The following VOPP1 variants were observed in gnomAD, a reference collection of about 807,000 sequenced individuals.
VOPP1 encodes WW domain binding protein VOPP1.
A neutral mutation model predicts 23.5 loss-of-function variants in VOPP1; 8 were observed. That is an observed-to-expected ratio of 0.34 (90% CI 0.20 to 0.61). VOPP1 has a LOEUF of 0.61. VOPP1 is among the 20% of genes least tolerant of loss of function. VOPP1 has a pLI of 0.78. For synonymous variants in VOPP1, 83 were observed against 97.3 expected (o/e 0.85, Z 0.86); for missense variants, 174 against 238.1 (o/e 0.73, Z 1.77).
intron 1 of VOPP1, among the ~76,000 whole-genome samples, chr7:55,558,610 G>A (rs1298250165): frequency 6.6e-6 from 1 of 152,070 alleles, no homozygotes; most frequent in Non-Finnish European, 1.5e-5. Context: ...CCTCCAGAGA[G>A]CCCAGGCATC....
intron 4 of VOPP1, among the ~76,000 whole-genome samples, chr7:55,487,971 C>A (rs1793270610): frequency 6.6e-6 from 1 of 152,192 alleles, no homozygotes; most frequent in African/African-American, 2.4e-5. Context: ...AGGATTCTCA[C>A]CCACACCCTC....
intron 1 of VOPP1, among the ~76,000 whole-genome samples, chr7:55,543,767 T>G (rs186368957): frequency 1.7e-4 from 26 of 152,348 alleles, no homozygotes; most frequent in African/African-American, 5.8e-4. Context: ...ATTTGGTTTT[T>G]GGCTACTGAG....
chr7:55,535,106 A>T (rs1467997161), intron 1 of VOPP1, among the ~76,000 whole-genome samples: 3 of 152,140 alleles, frequency 2.0e-5, no homozygotes, highest in Non-Finnish European at 4.4e-5. Context: ...GGGACTCCTG[A>T]CACTGCACCT....
chr7:55,534,909 T>G (rs1313125171), intron 1 of VOPP1, among the ~76,000 whole-genome samples: 7 of 152,350 alleles, frequency 4.6e-5, no homozygotes, highest in Admixed American at 3.9e-4. Flanking sequence ...GCCTTGTCTC[T>G]TCCCAGGACA....
chr7:55,453,444 T>C (rs1450374744), intron 4 of VOPP1, among the ~76,000 whole-genome samples: 2 of 152,240 alleles, frequency 1.3e-5, no homozygotes, highest in Non-Finnish European at 2.9e-5. Flanking sequence ...ATGAGTGACA[T>C]ACAACTCTTC....
chr7:55,483,309 A>G (rs1792879054), intron 4 of VOPP1, among the ~76,000 whole-genome samples: 1 of 152,128 alleles, frequency 6.6e-6, no homozygotes, highest in Admixed American at 6.5e-5. Context: ...GGGACCATGC[A>G]TGTCTTCAGG....
chr7:55,459,933 T>C (rs1791456407), intron 4 of VOPP1, among the ~76,000 whole-genome samples: 1 of 152,164 alleles, frequency 6.6e-6, no homozygotes, highest in Admixed American at 6.5e-5. Flanking sequence ...ATTGGTTTTC[T>C]AGTTCCTTGA....
intron 2 of VOPP1, among the ~76,000 whole-genome samples, chr7:55,509,317 T>C (rs542666767): frequency 4.6e-5 from 7 of 152,328 alleles, no homozygotes; most frequent in African/African-American, 1.7e-4. Context: ...TGATTGCTCA[T>C]AGTTCTGGAG....
intron 1 of VOPP1, among the ~76,000 whole-genome samples, chr7:55,542,658 G>A (rs1020215989): frequency 1.3e-5 from 2 of 152,108 alleles, no homozygotes; most frequent in Admixed American, 6.5e-5. Flanking sequence ...TCGTGGTGGT[G>A]CATGCCTACA....
At chr7:55,530,368 A>G (rs1162643230) in intron 1 of VOPP1, among the ~76,000 whole-genome samples, 1 of 152,146 alleles carries the variant, frequency 6.6e-6, no homozygotes, top group East Asian at 1.9e-4. Context: ...TTCCAGCTCA[A>G]TCAGAAGGCA....
intron 1 of VOPP1, among the ~76,000 whole-genome samples, chr7:55,570,018 G>A (rs1488482575): frequency 6.6e-6 from 1 of 152,112 alleles, no homozygotes; most frequent in Non-Finnish European, 1.5e-5. Context: ...AATTTCCCAG[G>A]TTGCAGCCGG....
intron 1 of VOPP1, among the ~76,000 whole-genome samples, chr7:55,551,082 T>G (rs1797587281): frequency 6.6e-6 from 1 of 151,992 alleles, no homozygotes; most frequent in African/African-American, 2.4e-5. Flanking sequence ...GGTTGGCAAA[T>G]TATCTCCCTG....
At chr7:55,568,926 C>A (rs943920166) in intron 1 of VOPP1, among the ~76,000 whole-genome samples, 7 of 152,198 alleles carry the variant, frequency 4.6e-5, no homozygotes, top group African/African-American at 1.7e-4. Flanking sequence ...CTTCAGCCAG[C>A]TGGCGGAACA....
At chr7:55,468,734 C>T (rs1285686667), downstream of VOPP1, among the ~76,000 whole-genome samples, 1 of 152,230 alleles carries the variant, frequency 6.6e-6, no homozygotes, top group African/African-American at 2.4e-5. Context: ...CTGTCAATGA[C>T]ACCAATGTGG....
downstream of VOPP1, among the ~76,000 whole-genome samples, chr7:55,467,859 C>A (rs767568322): frequency 1.8e-4 from 28 of 152,340 alleles, no homozygotes; most frequent in Non-Finnish European, 3.8e-4. Context: ...CTGTAATACA[C>A]CCCTTCTATC....
chr7:55,490,482 A>T (rs1056002564), intron 4 of VOPP1, among the ~76,000 whole-genome samples: 3 of 152,110 alleles, frequency 2.0e-5, no homozygotes, highest in Non-Finnish European at 4.4e-5. Context: ...CACCTCACCT[A>T]CTCACCACAA....
intron 4 of VOPP1, among the ~76,000 whole-genome samples, chr7:55,449,306 T>TCCGGGCCCAGGAGGCCTC (rs1324359964): frequency 1.3e-5 from 2 of 152,126 alleles, no homozygotes; most frequent in African/African-American, 4.8e-5. Flanking sequence ...ACGCCGGCCT[T>TCCGGGCCCAGGAGGCCTC]CCGGGCCCAG....
intron 1 of VOPP1, among the ~76,000 whole-genome samples, chr7:55,551,864 TC>T: frequency 6.6e-6 from 1 of 151,868 alleles, no homozygotes; most frequent in South Asian, 2.1e-4. Flanking sequence ...ACATGGTGAA[TC>T]CCCGTCTCTA....
At chr7:55,561,125 C>T (rs1041780645) in intron 1 of VOPP1, among the ~76,000 whole-genome samples, 2 of 152,122 alleles carry the variant, frequency 1.3e-5, no homozygotes, top group African/African-American at 2.4e-5. Flanking sequence ...TCACCACAAC[C>T]GCTGTGCGAC....
Sources: allele counts gnomAD v4.1 joint callset (sites outside exome capture counted in the v4.1 genomes callset), GRCh38; gene constraint gnomAD v4.1.1; transcripts MANE v1.5; gene names NCBI Gene and HGNC (gene_info 2026-07-23, HGNC 2026-07-21).